TMCO5A: variants seen among roughly 807,000 people sequenced by gnomAD.
TMCO5A encodes transmembrane and coiled-coil domains 5A.
In TMCO5A, 34 loss-of-function variants were observed where a neutral mutation model predicts 42.3. The ratio of observed to expected loss-of-function variants is 0.80; its 90% CI spans 0.61 to 1.07. TMCO5A has a LOEUF of 1.07. TMCO5A is among the 50% of genes least tolerant of loss of function. The pLI is 0.00. For missense variants in TMCO5A, 357 were observed against 327.9 expected (o/e 1.09, Z -0.69); for synonymous variants, 131 against 115.6 (o/e 1.13, Z -0.86).
chr15:38,028,208 T>A, the TMCO5A span, among the ~76,000 whole-genome samples: 1 of 152,250 alleles, frequency 6.6e-6, no homozygotes, highest in East Asian at 1.9e-4. Context: ...TGTTTTCACT[T>A]TCTTCATCAG....
chr15:37,964,955 A>T (rs528349210), intron 11 of TMCO5A, among the ~76,000 whole-genome samples: 1 of 152,300 alleles, frequency 6.6e-6, no homozygotes, highest in Admixed American at 6.5e-5. Context: ...AGAATAGCCA[A>T]AACTATCCTA....
chr15:37,969,655 A>G (rs923610134), downstream of TMCO5A, among the ~76,000 whole-genome samples: 3 of 152,204 alleles, frequency 2.0e-5, no homozygotes, highest in Non-Finnish European at 4.4e-5. Context: ...TTCATCACCT[A>G]GGTAATAATC....
the TMCO5A span, among the ~76,000 whole-genome samples, chr15:38,038,012 C>CA: frequency 8.5e-3 from 855 of 100,136 alleles, 11 homozygotes; most frequent in East Asian, 0.05. Flanking sequence ...GACTCCGTCT[C>CA]AAAAAAAAAA....
At chr15:37,955,520 G>A (rs1890264947), downstream of TMCO5A, among the ~76,000 whole-genome samples, 1 of 151,982 alleles carries the variant, frequency 6.6e-6, no homozygotes, top group African/African-American at 2.4e-5. Flanking sequence ...AATGGTAAAG[G>A]GATCAATGCA....
In TMCO5A at chr15:37,938,249, C is replaced by T. The variant is rs376667315; in HGVS notation, c.387+20C>T. The T allele has an allele frequency of 1.3e-6, 2 of 1,550,210 alleles. No homozygotes were observed. Among genetic ancestry groups the T allele is most frequent in the East Asian group, 2.4e-5 (1 of 41,188 alleles). ...ACAAAGGTAAATGAAAAAAACAATCCTAAATGTGGTTGGGCTATGTAACCA... is the reference window on the plus strand; with the variant it reads ...ACAAAGGTAAATGAAAAAAACAATCTTAAATGTGGTTGGGCTATGTAACCA... On this transcript the variant is annotated intron_variant, in intron 6 of 11. Transcript: ENST00000319669.
chr15:38,009,735 C>A, the TMCO5A span, among the ~76,000 whole-genome samples: 1 of 152,172 alleles, frequency 6.6e-6, no homozygotes, highest in Non-Finnish European at 1.5e-5. Flanking sequence ...CACTAAATAG[C>A]TGTGTGACCT....
the TMCO5A span, among the ~76,000 whole-genome samples, chr15:38,029,276 C>A: frequency 6.6e-6 from 1 of 151,746 alleles, no homozygotes; most frequent in African/African-American, 2.4e-5. Context: ...AGTATACAGT[C>A]TACACACACA....
the TMCO5A span, among the ~76,000 whole-genome samples, chr15:38,030,169 T>A: frequency 1.3e-5 from 2 of 152,202 alleles, no homozygotes; most frequent in African/African-American, 4.8e-5. Flanking sequence ...ATCCACCATA[T>A]TGATTGTCTC....
the TMCO5A span, among the ~76,000 whole-genome samples, chr15:38,023,693 G>A: frequency 6.6e-6 from 1 of 152,140 alleles, no homozygotes; most frequent in Non-Finnish European, 1.5e-5. Context: ...GAGAATGCAA[G>A]GTGACAATTG....
chr15:37,936,292 A>G, intron 2 of TMCO5A, 22 bp from the exon 3 acceptor site: 6 of 1,593,622 alleles, frequency 3.8e-6, no homozygotes, highest in Non-Finnish European at 5.1e-6. Context: ...GCCCTTGTTC[A>G]TTTTGGGGGC....
chr15:37,945,739 TG>T (rs1445211405), intron 10 of TMCO5A, among the ~76,000 whole-genome samples: 3 of 152,178 alleles, frequency 2.0e-5, no homozygotes, highest in Admixed American at 6.6e-5. Context: ...CTTGTAAATT[TG>T]TTTAAGTTCC....
the TMCO5A span, among the ~76,000 whole-genome samples, chr15:38,036,173 C>T: frequency 6.6e-6 from 1 of 152,152 alleles, no homozygotes; most frequent in East Asian, 1.9e-4. Context: ...GTTTAAGTTC[C>T]AGCTCAATTG....
At chr15:38,012,413 T>C in the TMCO5A span, among the ~76,000 whole-genome samples, 1 of 152,138 alleles carries the variant, frequency 6.6e-6, no homozygotes, top group African/African-American at 2.4e-5. Flanking sequence ...ATTTATCTCA[T>C]CAAGCCTCAA....
the TMCO5A span, among the ~76,000 whole-genome samples, chr15:38,022,169 A>G: frequency 6.6e-6 from 1 of 152,146 alleles, no homozygotes; most frequent in South Asian, 2.1e-4. Flanking sequence ...ATTTCTTAGT[A>G]TTTACCCAAA....
intron 11 of TMCO5A, among the ~76,000 whole-genome samples, chr15:37,963,883 A>C (rs1449745385): frequency 6.6e-6 from 1 of 152,026 alleles, no homozygotes; most frequent in Non-Finnish European, 1.5e-5. Context: ...TCTTCCTTGA[A>C]TATTTCTCCC....
At chr15:37,941,106 G>T in intron 6 of TMCO5A, 43 bp from the exon 7 acceptor site, 2 of 1,602,544 alleles carry the variant, frequency 1.2e-6, no homozygotes, top group South Asian at 1.1e-5. Flanking sequence ...TTCCTGCACA[G>T]CTTTTACCTT....
At chr15:37,972,979 T>C in the TMCO5A span, among the ~76,000 whole-genome samples, 1,166 of 152,298 alleles carry the variant, frequency 7.7e-3, 21 homozygotes, top group African/African-American at 0.027. Context: ...GAGTTCAGTT[T>C]TAATCTTCTT....
the TMCO5A span, among the ~76,000 whole-genome samples, chr15:38,016,907 G>A: frequency 6.6e-6 from 1 of 151,946 alleles, no homozygotes; most frequent in Non-Finnish European, 1.5e-5. Flanking sequence ...CCCTGACCTA[G>A]GCTTTTTTTT....
At chr15:37,939,769 C>A (rs1889667132) in intron 6 of TMCO5A, among the ~76,000 whole-genome samples, 1 of 152,062 alleles carries the variant, frequency 6.6e-6, no homozygotes, top group African/African-American at 2.4e-5. Flanking sequence ...GTAATCAGTG[C>A]AGCAGCTTAA....
Sources: gnomAD v4.1 joint callset for allele counts (sites outside exome capture counted in the v4.1 genomes callset) on GRCh38, gnomAD v4.1.1 for gene constraint, MANE v1.5 for transcripts, NCBI Gene and HGNC (gene_info 2026-07-23, HGNC 2026-07-21) for gene names.